Variants in FLT4 observed in about 807,000 individuals in gnomAD.
FLT4 encodes vascular endothelial growth factor receptor 3.
FLT4 carries 30 observed loss-of-function variants against 163.2 expected under a neutral mutation model. That is an observed-to-expected ratio of 0.18 (90% CI 0.14 to 0.25). FLT4 has a LOEUF of 0.25. Ranked by LOEUF, FLT4 falls within the 10% of genes least tolerant of loss-of-function variation. FLT4 has a pLI of 1.00. For synonymous variants in FLT4, 884 were observed against 789.5 expected (o/e 1.12, Z -2.01); for missense variants, 1,510 against 1,863.8 (o/e 0.81, Z 3.50).
intron 29 of FLT4, among the ~76,000 whole-genome samples, chr5:180,606,868 C>G (rs1482962697): frequency 7.0e-6 from 1 of 143,420 alleles, no homozygotes; most frequent in Non-Finnish European, 1.5e-5. Flanking sequence ...CCAGCCTGGC[C>G]AACGTGGCGA....
At chr5:180,628,734 G>T (rs1001095050) in intron 8 of FLT4, 148 bp downstream of exon 8, 13 of 651,562 alleles carry the variant, frequency 2.0e-5, no homozygotes, top group Non-Finnish European at 3.0e-5. Flanking sequence ...GGGTTCCTTG[G>T]GGGGTCTCCT....
chr5:180,613,506 AC>A (rs1406293734), intron 24 of FLT4: 2 of 221,722 alleles, frequency 9.0e-6, no homozygotes, highest in Non-Finnish European at 1.7e-5. Flanking sequence ...GCTCCCCCCA[AC>A]CCCTGCTGCT....
At chr5:180,647,252 G>A (rs372583430) in intron 1 of FLT4, among the ~76,000 whole-genome samples, 26 of 152,266 alleles carry the variant, frequency 1.7e-4, no homozygotes, top group South Asian at 1.2e-3. Flanking sequence ...CTCCACTGGG[G>A]CAAGACTGTG....
At chr5:180,626,798 G>A (rs1023603540) in intron 8 of FLT4, among the ~76,000 whole-genome samples, 2 of 152,030 alleles carry the variant, frequency 1.3e-5, no homozygotes, top group African/African-American at 4.8e-5. Context: ...CAGACATGTG[G>A]GCTTCTTGCT....
At position 180,611,317 on chromosome 5, in the gene FLT4, G is replaced by A. The variant is rs1403510617; in HGVS notation, c.3686+14C>T. 1 of 1,613,710 alleles carries A rather than the reference G, an allele frequency of 6.2e-7. No individual in the cohort carries two copies. The highest frequency in any genetic ancestry group is 1.1e-5 in the South Asian group (1 of 91,086). On this transcript the variant is annotated intron_variant, in intron 27 of 29. Transcript: ENST00000261937. ...TTTCTCCCACCCTACTCCTGGACCTGCAGGACAGCTGACCTGGCGGCCAGG... is the reference window on the plus strand; with the variant it reads ...TTTCTCCCACCCTACTCCTGGACCTACAGGACAGCTGACCTGGCGGCCAGG...
At chr5:180,621,370 C>G in intron 13 of FLT4, 118 bp from the exon 14 acceptor site, 1 of 1,411,696 alleles carries the variant, frequency 7.1e-7, no homozygotes, top group South Asian at 1.4e-5. Context: ...GGTTGTGCGC[C>G]GGGCAGGAGC....
chr5:180,624,754 C>T (rs1222286563), intron 10 of FLT4, among the ~76,000 whole-genome samples: 1 of 152,248 alleles, frequency 6.6e-6, no homozygotes, highest in African/African-American at 2.4e-5. Context: ...CAGCCTCTCC[C>T]TCTCTCCTGC....
rs770166040 is a variant in FLT4 at position 180,612,562 on chromosome 5, C to T, written c.3481G>A (p.Ala1161Thr). The change falls in exon 26 of 30, where the codon GCA becomes ACA. Residue 1161 changes from alanine (A) to threonine (T), a missense_variant. Physicochemically the swap from Ala to Thr is moderately conservative, Grantham distance 58. This residue lies in a region of FLT4 where 295 missense variants were observed against 311.0 expected (regional missense o/e 0.95). Coordinates refer to ENST00000261937, the MANE Select transcript of FLT4 (RefSeq NM_182925.5). ...AGGATCTCCACCAGCTCCGAGAATG[C>T]AGGTCTCGCCTTGGGGTCTCCGGAC... ...CWSGDPKARP[A>T]FSELVEILGD... 2.5e-6 allele frequency: 4 copies of T among 1,614,068 alleles called. No homozygotes were observed. Among genetic ancestry groups the T allele is most frequent in the Admixed American group, 3.3e-5 (2 of 60,024 alleles).
intron 1 of FLT4, among the ~76,000 whole-genome samples, chr5:180,632,898 G>A (rs1455686828): frequency 1.3e-5 from 2 of 152,100 alleles, no homozygotes; most frequent in East Asian, 3.9e-4. Context: ...GAGACAACAG[G>A]AAGGGAGGGC....
At chr5:180,619,178 G>T in intron 19 of FLT4, 69 bp from the exon 20 acceptor site, 1 of 1,298,632 alleles carries the variant, frequency 7.7e-7, no homozygotes, top group Non-Finnish European at 9.9e-7. Context: ...CTCCGCGTTT[G>T]CACCCGCGCC....
intron 28 of FLT4, 89 bp from the exon 29 acceptor site, chr5:180,609,142 C>T: frequency 9.2e-7 from 1 of 1,086,286 alleles, no homozygotes. Context: ...GCGGCATGGT[C>T]CTGCAGCGCG....
intron 28 of FLT4, chr5:180,609,484 G>A (rs2242220): frequency 1.4e-5 from 5 of 356,724 alleles, no homozygotes; most frequent in Non-Finnish European, 2.7e-5. Context: ...TGAATTACAC[G>A]GGAGGGAAAC....
chr5:180,616,282 C>A, intron 23 of FLT4, 85 bp downstream of exon 23: 2 of 1,582,272 alleles, frequency 1.3e-6, no homozygotes, highest in Non-Finnish European at 1.7e-6. Flanking sequence ...TGTGCCAGCC[C>A]TCCCTCTCCT....
chr5:180,612,042 C>T (rs1349430068), intron 26 of FLT4, among the ~76,000 whole-genome samples: 2 of 152,196 alleles, frequency 1.3e-5, no homozygotes, highest in African/African-American at 4.8e-5. Flanking sequence ...TTGCTCCAGG[C>T]CCCACCTTGA....
intron 1 of FLT4, among the ~76,000 whole-genome samples, chr5:180,644,490 T>C (rs1355323632): frequency 1.3e-5 from 2 of 152,244 alleles, no homozygotes; most frequent in African/African-American, 4.8e-5. Context: ...CAGTGGCCTG[T>C]GTGCCTGCCC....
chr5:180,649,913 T>C (rs912543209), upstream of FLT4, among the ~76,000 whole-genome samples: 1 of 151,934 alleles, frequency 6.6e-6, no homozygotes, highest in Non-Finnish European at 1.5e-5. Flanking sequence ...ATCGGTAAAA[T>C]CTAGACTAAA....
chr5:180,609,443 C>T (rs1762008912), intron 28 of FLT4: 1 of 395,110 alleles, frequency 2.5e-6, no homozygotes, highest in Non-Finnish European at 4.7e-6. Context: ...CTTTGTTATC[C>T]TTCGACTGTG....
At chr5:180,641,698 G>A (rs1765120041) in intron 1 of FLT4, among the ~76,000 whole-genome samples, 1 of 152,212 alleles carries the variant, frequency 6.6e-6, no homozygotes, top group East Asian at 1.9e-4. Flanking sequence ...CAGCCCCTGT[G>A]CCTTCAGAGC....
chr5:180,621,292 C>G lies in FLT4; in HGVS notation c.2021-40G>C, dbSNP rs200794740. 6.2e-5 allele frequency: 99 copies of G among 1,594,576 alleles called. 1 individual carries two copies. The East Asian group carries it at 1.5e-3, about 24-fold the overall frequency. ...CGAGAGGGAGCTAAGTGGAGCTGCA[C>G]TTAGCAGGAGGACCCTCTTTGGGCT... On this transcript the variant is annotated intron_variant, in intron 13 of 29. Transcript: ENST00000261937.
Sources: gnomAD v4.1 joint callset for allele counts (sites outside exome capture counted in the v4.1 genomes callset) on GRCh38, gnomAD v4.1.1 for gene constraint, gnomAD v4.1.1 regional missense constraint, MANE v1.5 for transcripts, NCBI Gene and HGNC (gene_info 2026-07-23, HGNC 2026-07-21) for gene names.